The following MYLK4 variants were observed in gnomAD, a reference collection of about 807,000 sequenced individuals.
The protein encoded by MYLK4 is caMLCK like.
A neutral mutation model predicts 48.1 loss-of-function variants in MYLK4; 46 were observed. That is an observed-to-expected ratio of 0.96 (90% confidence interval 0.75 to 1.22). The LOEUF (loss-of-function observed/expected upper bound fraction) is 1.22, where lower values mean the gene tolerates loss of function less well. MYLK4 is among the 50% of genes most tolerant of loss of function. MYLK4 has a pLI of 0.00. For missense variants in MYLK4, 451 were observed against 486.1 expected, an observed-to-expected ratio of 0.93 and a Z score of 0.68; for synonymous variants, 170 against 180.8, an observed-to-expected ratio of 0.94 and a Z score of 0.48.
rs187128568 is a variant in MYLK4, at chr6:2,674,707, A to G, written c.1119+340T>C. Among the ~76,000 whole-genome samples the G allele has an allele frequency of 8.8e-4, 134 of 152,196 alleles. 1 individual carries two copies. Among genetic ancestry groups the G allele is most frequent in the African/African-American group, 3.1e-3 (128 of 41,538 alleles). The stretch of plus-strand genomic sequence containing the variant: ...ACCAACATGGTGAAACTCTGTTTCC[A>G]CTAAAACTACAAAATTAGCCAGGCA... On this transcript the variant is annotated intron_variant, in intron 11 of 12. Coordinates refer to ENST00000274643, the MANE Select transcript of MYLK4 (RefSeq NM_001012418.5).
At chr6:2,749,476 A>G in intron 1 of MYLK4, 70 bp from the exon 2 acceptor site, 1 of 461,684 alleles carries the variant, frequency 2.2e-6, no homozygotes, top group Non-Finnish European at 3.8e-6. Flanking sequence ...GAAAATGACC[A>G]GTGAGAATTT....
At chr6:2,707,759 G>T (rs985405882) in intron 2 of MYLK4, among the ~76,000 whole-genome samples, 58 of 152,074 alleles carry the variant, frequency 3.8e-4, no homozygotes, top group African/African-American at 1.3e-3. Context: ...ACCAAATAAG[G>T]ATTACAACAC....
chr6:2,753,642 G>C (rs1209555175), upstream of MYLK4, among the ~76,000 whole-genome samples: 2 of 151,550 alleles, frequency 1.3e-5, no homozygotes, highest in Non-Finnish European at 2.9e-5. Context: ...TCACATATTT[G>C]ACAAAGGACT....
Position 2,665,624 on chromosome 6 carries a change from A to C in MYLK4, c.*2301T>G, listed in dbSNP as rs1012501845. On this transcript the variant is annotated 3_prime_UTR_variant, in exon 13 of 13. Coordinates refer to ENST00000274643, the MANE Select transcript of MYLK4 (RefSeq NM_001012418.5). ...CTTCCATGTGTGGCAGGGTCTGGGG[A>C]CAGTTTATCTGCCAACCTGAGTCAG... The C allele has an allele frequency of 6.6e-6, 1 of 152,200 alleles. No homozygotes were observed. Among genetic ancestry groups the C allele is most frequent in the Non-Finnish European group, 1.5e-5 (1 of 68,040 alleles). The allele number at this position is 152,200 out of a possible 1,614,324, so 9.4% of individuals were successfully genotyped here.
At chr6:2,713,013 T>C (rs1762729683) in intron 2 of MYLK4, among the ~76,000 whole-genome samples, 2 of 152,160 alleles carry the variant, frequency 1.3e-5, no homozygotes, top group South Asian at 2.1e-4. Flanking sequence ...CAGTTTCCAT[T>C]GGATCCAAAG....
intron 11 of MYLK4, among the ~76,000 whole-genome samples, chr6:2,674,807 G>A (rs771423576): frequency 2.6e-5 from 4 of 152,230 alleles, no homozygotes; most frequent in Non-Finnish European, 4.4e-5. Flanking sequence ...GGAGGTGGAC[G>A]TTGCAGTGAG....
At chr6:2,683,431 G>GTGTGTGTGTGTA (rs1761404819) in intron 6 of MYLK4, among the ~76,000 whole-genome samples, 5 of 143,424 alleles carry the variant, frequency 3.5e-5, no homozygotes, top group Non-Finnish European at 7.5e-5. Context: ...GTGTGTGTGT[G>GTGTGTGTGTGTA]TGTTTTGAGA....
At chr6:2,764,306 C>T in the MYLK4 span, among the ~76,000 whole-genome samples, 1 of 152,134 alleles carries the variant, frequency 6.6e-6, no homozygotes, top group African/African-American at 2.4e-5. Flanking sequence ...AACCCCAGGA[C>T]GACTCCAAAG....
intron 4 of MYLK4, among the ~76,000 whole-genome samples, chr6:2,687,004 G>T (rs1370473151): frequency 6.6e-6 from 1 of 152,190 alleles, no homozygotes; most frequent in Non-Finnish European, 1.5e-5. Context: ...GGGCCCTGAA[G>T]GTTGAGGCCA....
chr6:2,756,735 T>G, the MYLK4 span, among the ~76,000 whole-genome samples: 1 of 152,240 alleles, frequency 6.6e-6, no homozygotes, highest in African/African-American at 2.4e-5. Flanking sequence ...AATAAAATGC[T>G]TGCTACAAGG....
At chr6:2,674,341 A>G (rs1273962564) in intron 11 of MYLK4, among the ~76,000 whole-genome samples, 1 of 152,178 alleles carries the variant, frequency 6.6e-6, no homozygotes, top group African/African-American at 2.4e-5. Flanking sequence ...AAGCCAGGTG[A>G]GCACAGAATT....
intron 3 of MYLK4, 146 bp downstream of exon 3, chr6:2,692,638 A>G: frequency 1.8e-6 from 1 of 563,552 alleles, no homozygotes; most frequent in Non-Finnish European, 2.8e-6. Flanking sequence ...GCAAAAAAAA[A>G]AAAAGGGGGG....
intron 6 of MYLK4, 62 bp from the exon 7 acceptor site, chr6:2,683,224 CGTA>C: frequency 6.3e-7 from 1 of 1,590,972 alleles, no homozygotes; most frequent in South Asian, 1.1e-5. Flanking sequence ...GTGCTTTTCT[CGTA>C]GTGACTTGTC....
upstream of MYLK4, among the ~76,000 whole-genome samples, chr6:2,755,470 C>G (rs1224716376): frequency 6.6e-6 from 1 of 152,188 alleles, no homozygotes; most frequent in Non-Finnish European, 1.5e-5. Context: ...TCAAAAATTA[C>G]ATAGCGCATT....
chr6:2,744,259 C>G, intron 2 of MYLK4: 3 of 360,060 alleles, frequency 8.3e-6, no homozygotes, highest in Non-Finnish European at 1.5e-5. Context: ...CCTTGTGTGA[C>G]AGATCTGAAA....
the MYLK4 span, chr6:2,770,046 T>C: frequency 6.3e-7 from 1 of 1,590,340 alleles, no homozygotes; most frequent in Non-Finnish European, 8.6e-7. Context: ...AAGGAAGGGA[T>C]AGCCAACTTA....
At chr6:2,690,713 C>T (rs905242892) in intron 3 of MYLK4, among the ~76,000 whole-genome samples, 10 of 151,650 alleles carry the variant, frequency 6.6e-5, no homozygotes, top group African/African-American at 2.4e-4. Context: ...TAACAAAAGC[C>T]GTCATTTTAT....
intron 7 of MYLK4, among the ~76,000 whole-genome samples, chr6:2,680,974 A>T (rs1480673580): frequency 1.3e-5 from 2 of 152,162 alleles, no homozygotes; most frequent in African/African-American, 4.8e-5. Flanking sequence ...CAGGGGGAGA[A>T]AATGGGGTGT....
chr6:2,682,295 C>G (rs964626291), intron 7 of MYLK4, among the ~76,000 whole-genome samples: 1 of 152,166 alleles, frequency 6.6e-6, no homozygotes, highest in Non-Finnish European at 1.5e-5. Flanking sequence ...GGGACTTGAT[C>G]AGGGTTGTTG....
Sources: gnomAD v4.1 joint callset for allele counts (sites outside exome capture counted in the v4.1 genomes callset) on GRCh38, gnomAD v4.1.1 for gene constraint, MANE v1.5 for transcripts, NCBI Gene and HGNC (gene_info 2026-07-23, HGNC 2026-07-21) for gene names.